Variants in ARHGAP21 observed in about 807,000 individuals in gnomAD.
ARHGAP21 encodes Rho GTPase activating protein 21.
A neutral mutation model predicts 164.6 loss-of-function variants in ARHGAP21; 38 were observed. The observed-to-expected ratio is 0.23, with a 90% CI of 0.18 to 0.30. The LOEUF is 0.30. ARHGAP21 is among the 10% of genes least tolerant of loss of function. The pLI, the probability that ARHGAP21 is intolerant of heterozygous loss-of-function variation, is 1.00. For synonymous variants in ARHGAP21, 766 were observed against 857.9 expected (o/e 0.89, Z 1.87); for missense variants, 1,822 against 2,370.7 (o/e 0.77, Z 4.81).
intron 17 of ARHGAP21, chr10:24,596,358 G>A (rs2076580261): frequency 4.6e-6 from 2 of 438,170 alleles, no homozygotes; most frequent in East Asian, 3.8e-5. Flanking sequence ...GGAGGAGAGA[G>A]TAATATCAAT....
At chr10:24,669,372 C>G (rs1840484663) in intron 3 of ARHGAP21, among the ~76,000 whole-genome samples, 1 of 152,146 alleles carries the variant, frequency 6.6e-6, no homozygotes. Flanking sequence ...TTGTAATACT[C>G]TAGTTCAATT....
At chr10:24,611,779 G>A (rs1265857617) in intron 9 of ARHGAP21, among the ~76,000 whole-genome samples, 1 of 152,072 alleles carries the variant, frequency 6.6e-6, no homozygotes, top group East Asian at 1.9e-4. Context: ...TGGGTATCTG[G>A]ATCCAGGCAT....
intron 4 of ARHGAP21, among the ~76,000 whole-genome samples, chr10:24,663,391 A>C (rs918143069): frequency 6.6e-6 from 1 of 152,196 alleles, no homozygotes; most frequent in Admixed American, 6.5e-5. Flanking sequence ...CCATTCTTCT[A>C]AACGGTTTGA....
Position 24,721,920 on chromosome 10 carries a change from A to G in ARHGAP21, c.-21T>C, listed in dbSNP as rs1405924882. On this transcript the variant is annotated 5_prime_UTR_variant, in exon 2 of 26. Transcript: ENST00000396432. The stretch of plus-strand genomic sequence containing the variant: ...ATCATTTCATTTCAAATGACAAAGA[A>G]GGGACAAATCCTTTGGAGTCCACAT... 1 of 1,613,770 alleles carries G rather than the reference A, an allele frequency of 6.2e-7. No homozygotes were observed. The highest frequency in any genetic ancestry group is 1.3e-5 in the African/African-American group (1 of 74,946).
chr10:24,600,112 A>G (rs993102713), intron 14 of ARHGAP21, among the ~76,000 whole-genome samples: 62 of 142,160 alleles, frequency 4.4e-4, no homozygotes, highest in South Asian at 2.3e-4. Flanking sequence ...CAGCCTGGGC[A>G]ACAGAGCAGG....
intron 4 of ARHGAP21, among the ~76,000 whole-genome samples, chr10:24,647,547 CAT>C: frequency 6.6e-6 from 1 of 152,290 alleles, no homozygotes; most frequent in South Asian, 2.1e-4. Flanking sequence ...TAGATACTAA[CAT>C]AGTAAATTTT....
Position 24,584,954 on chromosome 10 carries a change from C to G in ARHGAP21, c.5335G>C (p.Asp1779His). 1 of 1,613,976 alleles carries G rather than the reference C, an allele frequency of 6.2e-7. No homozygotes were observed. The highest frequency in any genetic ancestry group is 2.2e-5 in the East Asian group (1 of 44,882). Residue 1779 changes from aspartate to histidine, a missense_variant, in exon 26 of 26, where the codon GAC (aspartate) becomes CAC (histidine). Physicochemically the swap from Asp to His is moderately conservative, Grantham distance 81 (BLOSUM62 -1). Transcript: ENST00000396432. ...LKLRPRAPAD[D>H]MFGVGNHKVN... The stretch of plus-strand genomic sequence containing the variant: ...TTGTGATTCCCTACTCCAAACATGT[C>G]ATCCGCAGGGGCTCTGGGTCTCAGT...
chr10:24,718,368 A>G (rs1453291927), intron 2 of ARHGAP21, among the ~76,000 whole-genome samples: 1 of 152,188 alleles, frequency 6.6e-6, no homozygotes, highest in Non-Finnish European at 1.5e-5. Flanking sequence ...TCAACCATAA[A>G]GCCTGAGATA....
Position 24,620,616 on chromosome 10 carries a change from G to C in ARHGAP21, c.1279C>G (p.Gln427Glu), listed in dbSNP as rs764172466. 3 of 1,614,210 alleles carry C rather than the reference G, an allele frequency of 1.9e-6. No homozygotes were observed. The East Asian group carries it at 6.7e-5, about 36-fold the overall frequency. ...AAAGTAGTGCGGTTGGGGACGACCT[G>C]GTTATAATCTGTCGTGCTTTGAGAT... ...AASQSTTDYNQVVPNRTTLQG... is the reference protein window; with the variant it reads ...AASQSTTDYNEVVPNRTTLQG... The change falls in exon 9 of 26, where the codon CAG (glutamine) becomes GAG (glutamate). Residue 427 changes from glutamine (Q) to glutamate (E), a missense_variant. By Grantham distance (29) the Gln-to-Glu change is conservative. Transcript: ENST00000396432.
chr10:24,682,198 A>C (rs2085426117), intron 2 of ARHGAP21, among the ~76,000 whole-genome samples: 1 of 152,042 alleles, frequency 6.6e-6, no homozygotes, highest in Admixed American at 6.5e-5. Flanking sequence ...GATACTTGGG[A>C]AAACAGTATA....
chr10:24,620,684 C>G lies in ARHGAP21; in HGVS notation c.1211G>C (p.Gly404Ala), dbSNP rs755448435. 1.9e-6 allele frequency: 3 copies of G among 1,614,080 alleles called. No homozygotes were observed. The South Asian group carries it at 3.3e-5, about 18-fold the overall frequency. Residue 404 changes from glycine (G) to alanine (A), a missense_variant, in exon 9 of 26, where the codon GGT becomes GCT. By Grantham distance (60) the Gly-to-Ala change is moderately conservative. Transcript: ENST00000396432. ...TAATCTTTCTTGTATTGTCCGACAA[C>G]CTATGTGCAATCGTCTGTTATCAAT... ...EYIDNRRLHI[G>A]CRTIQERLDS...
Position 24,604,348 on chromosome 10 carries a change from C to T in ARHGAP21, c.2685G>A (p.Leu895=). The T allele has an allele frequency of 6.3e-7, 1 of 1,586,498 alleles. No homozygotes were observed. Among genetic ancestry groups the T allele is most frequent in the South Asian group, 1.2e-5 (1 of 84,786 alleles). Residue 895 remains leucine, a splice_region_variant and synonymous_variant, in exon 12 of 26, where the codon TTG becomes TTA. Coordinates refer to ENST00000396432, the MANE Select transcript of ARHGAP21 (RefSeq NM_020824.4). ...GLDDYREDAK[L]SFKHVSSLKG... ...TCAGACTAGATACGTGCTTAAAGGA[C>T]CTGTTGGGGAAAAAATATATAAATA...
In ARHGAP21 at chr10:24,619,507, C is replaced by A. The variant is rs771713358; in HGVS notation, c.2388G>T (p.Pro796=). ...GGATGGAAGCCAAAGAATCGCCAGG[C>A]GGACTGGTACTCGAGGCTTTTCTTT... ...MEERKASSTS[P]PGDSLASIPF... The change falls in exon 9 of 26, where the codon CCG becomes CCT. Residue 796 remains proline, a synonymous_variant. Coordinates refer to ENST00000396432, the MANE Select transcript of ARHGAP21 (RefSeq NM_020824.4). The A allele has an allele frequency of 1.2e-4, 191 of 1,613,972 alleles. 2 individuals carry two copies. The Middle Eastern group carries it at 3.8e-3, about 32-fold the overall frequency.
intron 4 of ARHGAP21, among the ~76,000 whole-genome samples, chr10:24,664,561 A>T (rs994606590): frequency 6.6e-6 from 1 of 150,626 alleles, no homozygotes; most frequent in African/African-American, 2.5e-5. Context: ...TCTCAAAAAA[A>T]AAAAATAATA....
chr10:24,610,645 G>T (rs1296039657), intron 9 of ARHGAP21, among the ~76,000 whole-genome samples: 2 of 151,962 alleles, frequency 1.3e-5, no homozygotes, highest in African/African-American at 2.4e-5. Context: ...TTCAAATTAT[G>T]TTTCTATTTA....
At position 24,715,573 on chromosome 10, in the gene ARHGAP21, T is replaced by C. The variant is rs11014213; in HGVS notation, c.63+6264A>G. Among the ~76,000 whole-genome samples, 116 of 152,266 alleles carry C rather than the reference T, an allele frequency of 7.6e-4. 1 individual carries two copies. In the East Asian group the frequency reaches 0.022, roughly 29 times the overall value. On this transcript the variant is annotated intron_variant, in intron 2 of 25. Transcript: ENST00000396432. ...TGGTTACTGTTACTTGGTTACCAGC[T>C]TCCCAAAGGTAAAAAAGGTGCAAAG...
intron 2 of ARHGAP21, among the ~76,000 whole-genome samples, chr10:24,676,099 G>C (rs748735732): frequency 3.9e-5 from 6 of 152,236 alleles, no homozygotes; most frequent in African/African-American, 7.2e-5. Flanking sequence ...AGTGAGCTGA[G>C]GGCGCCACGG....
intron 17 of ARHGAP21, chr10:24,596,353 A>G: frequency 9.1e-6 from 4 of 438,178 alleles, no homozygotes; most frequent in South Asian, 1.0e-4. Flanking sequence ...AAAGAGGAGG[A>G]GAGAGTAATA....
chr10:24,700,636 G>A (rs1312075443), intron 2 of ARHGAP21, among the ~76,000 whole-genome samples: 2 of 152,112 alleles, frequency 1.3e-5, no homozygotes, highest in African/African-American at 2.4e-5. Context: ...CAAAAAAGAA[G>A]TACCATTTAG....
Sources: gnomAD v4.1 joint callset for allele counts (sites outside exome capture counted in the v4.1 genomes callset) on GRCh38, gnomAD v4.1.1 for gene constraint, MANE v1.5 for transcripts, NCBI Gene and HGNC (gene_info 2026-07-23, HGNC 2026-07-21) for gene names.